ANTXRL: variants seen among roughly 807,000 people sequenced by gnomAD.
ANTXRL encodes ANTXR like.
A neutral mutation model predicts 75.4 loss-of-function variants in ANTXRL; 63 were observed. That is an observed-to-expected ratio of 0.84 (90% confidence interval 0.68 to 1.03). ANTXRL has a LOEUF of 1.03. Among genes scored for constraint, ANTXRL ranks in the 50% least tolerant of loss-of-function variants. The pLI is 0.00. For synonymous variants in ANTXRL, 335 were observed against 291.3 expected (o/e 1.15, Z -1.53); for missense variants, 797 against 789.4 (o/e 1.01, Z -0.12).
rs1313285157 is a variant in ANTXRL, at chr10:46,310,464, G to A, written c.1138G>A (p.Val380Ile). 3.3e-6 allele frequency: 5 copies of A among 1,536,198 alleles called. No homozygotes were observed. The highest frequency in any genetic ancestry group is 3.5e-6 in the Non-Finnish European group (4 of 1,146,804). The change falls in exon 14 of 17, where the codon GTC (valine) becomes ATC (isoleucine). Residue 380 changes from valine to isoleucine, a missense_variant. This residue lies in a region of ANTXRL where 479 missense variants were observed against 422.0 expected (regional missense o/e 1.14). Coordinates refer to ENST00000620264, the MANE Select transcript of ANTXRL (RefSeq NM_001278688.3). ...CVWRLCRKQT[V>I]KEPPPVQKPE... ...TTGTCTCTTTTGAACATTCTAGACT[G>A]TCAAGGAGCCACCACCTGTGCAGAA...
At chr10:46,299,492 C>A (rs536293633) in intron 9 of ANTXRL, among the ~76,000 whole-genome samples, 1 of 152,030 alleles carries the variant, frequency 6.6e-6, no homozygotes, top group South Asian at 2.1e-4. Flanking sequence ...CCGGCAGTTG[C>A]ACAACTGCGG....
intron 10 of ANTXRL, among the ~76,000 whole-genome samples, chr10:46,305,647 C>A (rs1220442019): frequency 4.6e-5 from 7 of 152,156 alleles, no homozygotes; most frequent in Non-Finnish European, 2.9e-5. Context: ...CACGCCCTCT[C>A]CCGCACTTCA....
chr10:46,322,016 G>A (rs1839000540), intron 16 of ANTXRL, among the ~76,000 whole-genome samples: 1 of 152,134 alleles, frequency 6.6e-6, no homozygotes, highest in South Asian at 2.1e-4. Flanking sequence ...AACTTGCACA[G>A]TAAAATGAGT....
At chr10:46,311,333 T>A (rs1377000255) in intron 14 of ANTXRL, among the ~76,000 whole-genome samples, 177 bp from the exon 15 acceptor site, 7 of 152,058 alleles carry the variant, frequency 4.6e-5, no homozygotes, top group African/African-American at 1.7e-4. Flanking sequence ...TCGTTGGCAT[T>A]TACGAGAAGA....
Position 46,326,914 on chromosome 10 carries a change from G to A in ANTXRL, c.1411-2685G>A, listed in dbSNP as rs77582988. Among the ~76,000 whole-genome samples, 611 of 152,214 alleles carry A rather than the reference G, an allele frequency of 4.0e-3. 9 individuals carry two copies. The highest frequency in any genetic ancestry group is 0.014 in the African/African-American group (563 of 41,508). On this transcript the variant is annotated intron_variant, in intron 16 of 16. Coordinates refer to ENST00000620264, the MANE Select transcript of ANTXRL (RefSeq NM_001278688.3). ...CGGCCTTGAGCTTTGTGTGTGACCT[G>A]GGGCAGGCAGGGTGAGGGTGCTGTT...
At chr10:46,319,304 C>A (rs1308296771) in intron 16 of ANTXRL, among the ~76,000 whole-genome samples, 1 of 152,062 alleles carries the variant, frequency 6.6e-6, no homozygotes, top group African/African-American at 2.4e-5. Flanking sequence ...GTATGGAATT[C>A]ACAAGTCACA....
At position 46,329,607 on chromosome 10, in the gene ANTXRL, C is replaced by G. The variant is rs1554967099; in HGVS notation, c.1419C>G (p.Tyr473Ter). 6.5e-7 allele frequency: 1 copy of G among 1,535,518 alleles called. No homozygotes were observed. The highest frequency in any genetic ancestry group is 2.4e-5 in the East Asian group (1 of 40,870). ...MCCQSRDQGR[Y>*]LSLALAQSQY... ...TCTTCTCTTCCCTACAGGGGAGGTACCTCAGCTTAGCCCTTGCACAGTCCC... is the reference window on the plus strand; with the variant it reads ...TCTTCTCTTCCCTACAGGGGAGGTAGCTCAGCTTAGCCCTTGCACAGTCCC... Residue 473 changes from tyrosine to a stop codon, truncating the protein, a stop_gained, in exon 17 of 17, where the codon TAC becomes TAG. Coordinates refer to ENST00000620264, the MANE Select transcript of ANTXRL (RefSeq NM_001278688.3). LOFTEE classifies it high-confidence loss of function.
Position 46,323,771 on chromosome 10 carries a change from G to C in ANTXRL, c.1411-5828G>C, listed in dbSNP as rs74534181. The stretch of plus-strand genomic sequence containing the variant: ...CAAGGTAAAAGGTTTAGTGTAGTTT[G>C]GAAGTCCTAAAGCTGGAGGCTGTCA... On this transcript the variant is annotated intron_variant, in intron 16 of 16. Transcript: ENST00000620264. Among the ~76,000 whole-genome samples the C allele has an allele frequency of 0.011, 1,619 of 152,186 alleles. 63 individuals carry two copies. The East Asian group carries it at 0.15, about 14-fold the overall frequency.
chr10:46,313,390 T>C (rs1319941517), intron 16 of ANTXRL, 74 bp downstream of exon 16: 7 of 1,433,350 alleles, frequency 4.9e-6, no homozygotes, highest in Admixed American at 3.9e-5. Context: ...TCCTCTGGGA[T>C]TGGGGCTCAG....
chr10:46,320,277 A>G (rs1420762683), intron 16 of ANTXRL, among the ~76,000 whole-genome samples: 1 of 152,170 alleles, frequency 6.6e-6, no homozygotes, highest in Non-Finnish European at 1.5e-5. Flanking sequence ...TGAAATTTAG[A>G]GCTAATCATT....
At chr10:46,305,330 A>G (rs1838009271) in intron 10 of ANTXRL, among the ~76,000 whole-genome samples, 1 of 152,186 alleles carries the variant, frequency 6.6e-6, no homozygotes, top group Non-Finnish European at 1.5e-5. Context: ...ACAAACAGAG[A>G]GAGTGTCTCT....
intron 9 of ANTXRL, among the ~76,000 whole-genome samples, chr10:46,300,450 A>G (rs1837653708): frequency 6.6e-6 from 1 of 152,044 alleles, no homozygotes. Context: ...TGGTGGCCTC[A>G]CCGCTCAAGG....
Position 46,297,255 on chromosome 10 carries a change from A to T in ANTXRL, c.512A>T (p.Lys171Met). Residue 171 changes from lysine to methionine, a missense_variant, in exon 6 of 17, where the codon AAG becomes ATG. Physicochemically the swap from Lys to Met is moderately conservative, Grantham distance 95. Coordinates refer to ENST00000620264, the MANE Select transcript of ANTXRL (RefSeq NM_001278688.3). ...QQIESFNSGN[K>M]VPSMIIAMTD... ...CCACTCTTTGCTTCTTCTACAGACA[A>T]GGTTCCCAGCATGATTATTGCTATG... 3 of 1,536,370 alleles carry T rather than the reference A, an allele frequency of 2.0e-6. No homozygotes were observed. The highest frequency in any genetic ancestry group is 2.6e-6 in the Non-Finnish European group (3 of 1,146,798).
At chr10:46,321,213 G>A (rs1554965523) in intron 16 of ANTXRL, among the ~76,000 whole-genome samples, 1 of 152,160 alleles carries the variant, frequency 6.6e-6, no homozygotes, top group African/African-American at 2.4e-5. Context: ...GCAGAAGCTT[G>A]AGCTAAAGCC....
chr10:46,289,572 C>CA (rs1836898374), intron 1 of ANTXRL, among the ~76,000 whole-genome samples: 2 of 152,100 alleles, frequency 1.3e-5, no homozygotes, highest in Middle Eastern at 3.4e-3. Context: ...ACAAAACATA[C>CA]AAAAATTAGC....
chr10:46,313,862 C>T (rs1329682676), intron 16 of ANTXRL, among the ~76,000 whole-genome samples: 1 of 152,146 alleles, frequency 6.6e-6, no homozygotes, highest in Non-Finnish European at 1.5e-5. Flanking sequence ...TGTCCCTGCT[C>T]CTAAAGCCCA....
Position 46,309,171 on chromosome 10 carries a change from T to C in ANTXRL, c.1103T>C (p.Leu368Pro). The part of the protein sequence containing the change: ...VPLLLLVPLL[L>P]CCVWRLCRKQ... Reference sequence around the variant, plus strand: ...CTCCTGCTGCTTGTGCCACTGCTGCTGTGTTGTGTCTGGCGGCTGTGCCGC... The same window carrying C: ...CTCCTGCTGCTTGTGCCACTGCTGCCGTGTTGTGTCTGGCGGCTGTGCCGC... Residue 368 changes from leucine (L) to proline (P), a missense_variant, in exon 13 of 17, where the codon CTG (leucine) becomes CCG (proline). Coordinates refer to ENST00000620264, the MANE Select transcript of ANTXRL (RefSeq NM_001278688.3). 1 of 1,535,846 alleles carries C rather than the reference T, an allele frequency of 6.5e-7. No individual in the cohort carries two copies.
chr10:46,299,065 T>G (rs1382289457), intron 9 of ANTXRL, among the ~76,000 whole-genome samples: 2 of 152,018 alleles, frequency 1.3e-5, no homozygotes, highest in Non-Finnish European at 2.9e-5. Context: ...GCAAATGGCA[T>G]GGAGTAGCAG....
chr10:46,304,016 A>T (rs1837915658), intron 10 of ANTXRL, among the ~76,000 whole-genome samples: 1 of 152,104 alleles, frequency 6.6e-6, no homozygotes, highest in Admixed American at 6.6e-5. Flanking sequence ...CCATGAGTAC[A>T]TAGGAAGGGG....
Sources: gnomAD v4.1 joint callset for allele counts (sites outside exome capture counted in the v4.1 genomes callset) on GRCh38, gnomAD v4.1.1 for gene constraint, gnomAD v4.1.1 regional missense constraint, MANE v1.5 for transcripts, NCBI Gene and HGNC (gene_info 2026-07-23, HGNC 2026-07-21) for gene names.